MPZL1: variants seen among roughly 807,000 people sequenced by gnomAD.
The protein encoded by MPZL1 is myelin protein zero-like protein 1.
Under a neutral mutation model 29.3 loss-of-function variants are expected in MPZL1, and 16 were observed. The ratio of observed to expected loss-of-function variants is 0.55; its 90% confidence interval spans 0.37 to 0.83. MPZL1 has a LOEUF of 0.83. Among genes scored for constraint, MPZL1 ranks in the 40% least tolerant of loss-of-function variants. The pLI is 0.00. For missense variants in MPZL1, 279 were observed against 332.9 expected, an observed-to-expected ratio of 0.84 and a Z score of 1.26; for synonymous variants, 143 against 132.0, an observed-to-expected ratio of 1.08 and a Z score of -0.57.
chr1:167,787,960 C>A lies in MPZL1; in HGVS notation c.*39C>A. On this transcript the variant is annotated 3_prime_UTR_variant, in exon 6 of 6. Transcript: ENST00000359523. Reference sequence around the variant, plus strand: ...ACATATCCTCAGCAAGAAACAAAACCAAACTGGACTCTCGTGCAGAAAATG... The same window carrying A: ...ACATATCCTCAGCAAGAAACAAAACAAAACTGGACTCTCGTGCAGAAAATG... 4 of 1,529,138 alleles carry A rather than the reference C, an allele frequency of 2.6e-6. No individual in the cohort carries two copies. The highest frequency in any genetic ancestry group is 1.1e-5 in the South Asian group (1 of 89,048). The allele number at this position is 1,529,138 out of a possible 1,614,324, so 94.7% of individuals were successfully genotyped here.
intron 2 of MPZL1, among the ~76,000 whole-genome samples, chr1:167,766,828 G>A (rs994971463): frequency 5.3e-5 from 8 of 152,136 alleles, no homozygotes; most frequent in African/African-American, 7.2e-5. Flanking sequence ...ACTTCAATAC[G>A]GTATGATTTC....
chr1:167,743,453 G>A (rs6658876), intron 1 of MPZL1, among the ~76,000 whole-genome samples: 5,899 of 151,506 alleles, frequency 0.039, 360 homozygotes, highest in African/African-American at 0.13. Flanking sequence ...TGACCCTCCC[G>A]CCTCGGCCTC....
At chr1:167,762,699 C>G (rs1490141656) in intron 1 of MPZL1, among the ~76,000 whole-genome samples, 1 of 152,186 alleles carries the variant, frequency 6.6e-6, no homozygotes, top group African/African-American at 2.4e-5. Context: ...CAGCTTTAGG[C>G]TAAACTTGAT....
intron 3 of MPZL1, among the ~76,000 whole-genome samples, chr1:167,772,859 A>G (rs1661281119): frequency 6.6e-6 from 1 of 152,244 alleles, no homozygotes; most frequent in Admixed American, 6.5e-5. Context: ...GAAAGCTTTC[A>G]ACAACAGCAC....
chr1:167,742,546 A>G (rs1001507736), intron 1 of MPZL1, among the ~76,000 whole-genome samples: 4 of 152,044 alleles, frequency 2.6e-5, no homozygotes, highest in African/African-American at 7.2e-5. Flanking sequence ...ACTATAGTTT[A>G]TTTTGGAATG....
chr1:167,756,395 G>A (rs1287616135), intron 1 of MPZL1, among the ~76,000 whole-genome samples: 1 of 149,574 alleles, frequency 6.7e-6, no homozygotes, highest in East Asian at 2.0e-4. Context: ...CCAAAATGCT[G>A]GGATTACAGG....
intron 4 of MPZL1, among the ~76,000 whole-genome samples, chr1:167,775,323 A>G (rs531791500): frequency 1.3e-5 from 2 of 152,328 alleles, no homozygotes; most frequent in East Asian, 3.9e-4. Flanking sequence ...AGTATATATC[A>G]AAAGGCTTTA....
rs1661646564 is a variant in MPZL1 at position 167,788,869 on chromosome 1, C to A, written c.*948C>A. 1 of 126,452 alleles carries A rather than the reference C, an allele frequency of 7.9e-6. No homozygotes were observed. Among genetic ancestry groups the A allele is most frequent in the Non-Finnish European group, 1.6e-5 (1 of 63,100 alleles). 7.8% of individuals were successfully genotyped at this position (126,452 alleles called of 1,614,324 possible). On this transcript the variant is annotated 3_prime_UTR_variant, in exon 6 of 6. Transcript: ENST00000359523. ...CCAGAGCTCGCTCTCTAGAGAATCA[C>A]CTTCTTTCGCTTTTTTTTTTTTTTT...
chr1:167,786,968 C>A (rs1305362370), intron 5 of MPZL1: 4 of 152,146 alleles, frequency 2.6e-5, no homozygotes, highest in African/African-American at 9.7e-5. Flanking sequence ...CTGACCTCTT[C>A]CCCCAACAGT....
At chr1:167,779,088 C>CT (rs1430748192) in intron 5 of MPZL1, among the ~76,000 whole-genome samples, 2 of 151,678 alleles carry the variant, frequency 1.3e-5, no homozygotes, top group Non-Finnish European at 2.9e-5. Context: ...TGCCACTGTA[C>CT]TCCAGCCTGG....
chr1:167,742,457 A>T (rs562495646), intron 1 of MPZL1, among the ~76,000 whole-genome samples: 1 of 152,254 alleles, frequency 6.6e-6, no homozygotes, highest in South Asian at 2.1e-4. Context: ...AACTTTTAAA[A>T]TAAATATATA....
chr1:167,761,905 C>T (rs757445167), intron 1 of MPZL1, among the ~76,000 whole-genome samples: 4 of 152,100 alleles, frequency 2.6e-5, no homozygotes, highest in African/African-American at 4.8e-5. Flanking sequence ...TAATGGTGGC[C>T]TATGGGGTTT....
intron 5 of MPZL1, among the ~76,000 whole-genome samples, chr1:167,778,119 G>A (rs570077116): frequency 2.6e-5 from 4 of 152,176 alleles, no homozygotes; most frequent in East Asian, 3.9e-4. Context: ...TCAGGAGTTC[G>A]AGACCAACTT....
intron 1 of MPZL1, among the ~76,000 whole-genome samples, chr1:167,732,930 C>T (rs901464853): frequency 1.3e-5 from 2 of 152,218 alleles, no homozygotes; most frequent in African/African-American, 4.8e-5. Flanking sequence ...CACTTAAGAG[C>T]TTTCATTGAA....
Position 167,772,175 on chromosome 1 carries a change from G to A in MPZL1, c.259-100G>A, listed in dbSNP as rs562851533. On this transcript the variant is annotated intron_variant, in intron 2 of 5. Transcript: ENST00000359523. ...GGAGAGAGATGTTGCATTTCTTTCC[G>A]TATGAAGTCTTTAAAAGAACCTTTC... The A allele has an allele frequency of 2.4e-3, 2,238 of 930,436 alleles. 3 individuals are homozygous for A. The highest frequency in any genetic ancestry group is 3.2e-3 in the Non-Finnish European group (1,941 of 611,478). The allele number at this position is 930,436 out of a possible 1,614,324, so 57.6% of individuals were successfully genotyped here.
intron 4 of MPZL1, among the ~76,000 whole-genome samples, chr1:167,774,195 CT>C (rs1661313597): frequency 6.6e-6 from 1 of 152,252 alleles, no homozygotes; most frequent in African/African-American, 2.4e-5. Flanking sequence ...AAAGGACCTT[CT>C]CTTTTCCCCA....
intron 1 of MPZL1, among the ~76,000 whole-genome samples, chr1:167,727,239 A>G (rs184085911): frequency 4.6e-5 from 7 of 152,314 alleles, no homozygotes; most frequent in African/African-American, 7.2e-5. Flanking sequence ...TACCTACTAA[A>G]TATTTCTCAC....
intron 1 of MPZL1, 53 bp downstream of exon 1, chr1:167,722,295 G>T: frequency 8.1e-7 from 1 of 1,232,784 alleles, no homozygotes; most frequent in South Asian, 4.1e-5. Flanking sequence ...CCCCGGGCCC[G>T]ACACACGCCC....
chr1:167,786,722 C>T (rs1188825131), intron 5 of MPZL1, among the ~76,000 whole-genome samples: 1 of 152,160 alleles, frequency 6.6e-6, no homozygotes, highest in Non-Finnish European at 1.5e-5. Flanking sequence ...TGTTAGGGCT[C>T]CTGGATGAGG....
Sources: gnomAD v4.1 joint callset for allele counts (sites outside exome capture counted in the v4.1 genomes callset) on GRCh38, gnomAD v4.1.1 for gene constraint, MANE v1.5 for transcripts, NCBI Gene and HGNC (gene_info 2026-07-23, HGNC 2026-07-21) for gene names.